RBMS1: variants seen among roughly 807,000 people sequenced by gnomAD.
RBMS1 encodes the protein RNA binding motif single stranded interacting protein 1.
A neutral mutation model predicts 62.3 loss-of-function variants in RBMS1; 17 were observed. The ratio of observed to expected loss-of-function variants is 0.27; its 90% confidence interval spans 0.19 to 0.41. The LOEUF (loss-of-function observed/expected upper bound fraction) is 0.41, where lower values mean the gene tolerates loss of function less well. Among genes scored for constraint, RBMS1 ranks in the 10% least tolerant of loss-of-function variants. RBMS1 has a pLI of 1.00. For missense variants in RBMS1, 334 were observed against 504.5 expected, an observed-to-expected ratio of 0.66 and a Z score of 3.24; for synonymous variants, 172 against 170.0, an observed-to-expected ratio of 1.01 and a Z score of -0.09.
At chr2:160,303,219 T>C (rs1689310503) in intron 5 of RBMS1, 111 bp downstream of exon 5, 3 of 1,141,888 alleles carry the variant, frequency 2.6e-6, no homozygotes, top group African/African-American at 1.6e-5. Flanking sequence ...ACAGTGCAAC[T>C]GCTCCCATAA....
intron 1 of RBMS1, among the ~76,000 whole-genome samples, chr2:160,444,370 A>G (rs1683552120): frequency 6.6e-6 from 1 of 152,252 alleles, no homozygotes; most frequent in African/African-American, 2.4e-5. Context: ...TAAAAGTCTC[A>G]GCTAAAAGCA....
chr2:160,445,037 C>T (rs1298034634), intron 1 of RBMS1, among the ~76,000 whole-genome samples: 3 of 152,132 alleles, frequency 2.0e-5, no homozygotes, highest in African/African-American at 4.8e-5. Context: ...GGAAATTTCC[C>T]TTCCCAGAGA....
chr2:160,373,708 A>G (rs1270409999), intron 1 of RBMS1, among the ~76,000 whole-genome samples: 1 of 152,248 alleles, frequency 6.6e-6, no homozygotes, highest in Admixed American at 6.5e-5. Context: ...GAGGGCCAAA[A>G]GAGAAAGTAA....
chr2:160,465,817 C>T (rs906322065), intron 1 of RBMS1, among the ~76,000 whole-genome samples: 1 of 151,450 alleles, frequency 6.6e-6, no homozygotes, highest in South Asian at 2.1e-4. Context: ...TACAAAGGGG[C>T]TTTGGCAGAG....
At position 160,358,700 on chromosome 2, in the gene RBMS1, C is replaced by G. The variant is rs1198241350; in HGVS notation, c.251+8516G>C. On this transcript the variant is annotated intron_variant, in intron 2 of 13. Transcript: ENST00000348849. ...AATGGAATGCATTTTCTATAAGTAA[C>G]TGCAGAAAACTCATCACTTTAACCC... 2.6e-5 allele frequency among the ~76,000 whole-genome samples: 4 copies of G among 152,056 alleles called. No homozygotes were observed. In the East Asian group the frequency reaches 5.8e-4, roughly 22 times the overall value.
chr2:160,382,336 C>T (rs1465265845), intron 1 of RBMS1, among the ~76,000 whole-genome samples: 1 of 152,132 alleles, frequency 6.6e-6, no homozygotes, highest in Non-Finnish European at 1.5e-5. Flanking sequence ...TATATTTCCT[C>T]TCCAGACTAA....
At chr2:160,356,089 TA>T (rs1692784039) in intron 2 of RBMS1, among the ~76,000 whole-genome samples, 2 of 152,230 alleles carry the variant, frequency 1.3e-5, no homozygotes, top group African/African-American at 4.8e-5. Flanking sequence ...CAGTGACCCC[TA>T]AAAAATTGTT....
intron 1 of RBMS1, among the ~76,000 whole-genome samples, chr2:160,489,804 T>C (rs950469395): frequency 6.6e-6 from 1 of 152,154 alleles, no homozygotes; most frequent in Non-Finnish European, 1.5e-5. Flanking sequence ...ATTAATTTTA[T>C]AGAAATATAT....
At chr2:160,466,456 GC>G (rs1224944010) in intron 1 of RBMS1, among the ~76,000 whole-genome samples, 1 of 152,058 alleles carries the variant, frequency 6.6e-6, no homozygotes, top group Non-Finnish European at 1.5e-5. Flanking sequence ...CAGATGTCAG[GC>G]TAATTTTAAG....
At chr2:160,493,065 C>G in intron 1 of RBMS1, 1 of 517,432 alleles carries the variant, frequency 1.9e-6, no homozygotes, top group Admixed American at 3.6e-5. Context: ...TAGTCTCTCC[C>G]CCCGCGGCTT....
chr2:160,461,298 A>AAAAG (rs1218748491), intron 1 of RBMS1, among the ~76,000 whole-genome samples: 4 of 152,268 alleles, frequency 2.6e-5, no homozygotes, highest in East Asian at 3.9e-4. Flanking sequence ...AGAGAAAGAG[A>AAAAG]AAAGAAAGAA....
chr2:160,492,254 C>T (rs892244249), intron 1 of RBMS1, among the ~76,000 whole-genome samples: 3 of 152,190 alleles, frequency 2.0e-5, no homozygotes, highest in Non-Finnish European at 4.4e-5. Context: ...CCAACTTCCA[C>T]CCTCCCAAAT....
chr2:160,436,353 A>AGT (rs1683110225), intron 1 of RBMS1, among the ~76,000 whole-genome samples: 1 of 152,134 alleles, frequency 6.6e-6, no homozygotes, highest in Non-Finnish European at 1.5e-5. Flanking sequence ...GTAGAGAGAG[A>AGT]AATGCTAACA....
intron 1 of RBMS1, among the ~76,000 whole-genome samples, chr2:160,436,841 A>G (rs1437185505): frequency 6.6e-6 from 1 of 152,206 alleles, no homozygotes; most frequent in African/African-American, 2.4e-5. Context: ...TCTAATAAAA[A>G]TAAAATTTTA....
intron 1 of RBMS1, among the ~76,000 whole-genome samples, chr2:160,396,959 C>A (rs1007755489): frequency 3.9e-5 from 6 of 152,154 alleles, no homozygotes; most frequent in Non-Finnish European, 8.8e-5. Flanking sequence ...TCTCCATGCC[C>A]CACCCTATAC....
intron 2 of RBMS1, among the ~76,000 whole-genome samples, chr2:160,338,196 T>C (rs2105991240): frequency 6.6e-6 from 1 of 152,254 alleles, no homozygotes; most frequent in South Asian, 2.1e-4. Context: ...TTTCAAAAAG[T>C]AAAACTACTG....
At position 160,378,437 on chromosome 2, in the gene RBMS1, A is replaced by G. The variant is rs959625852; in HGVS notation, c.76-11046T>C. Among the ~76,000 whole-genome samples the G allele has an allele frequency of 3.3e-5, 5 of 152,130 alleles. No individual in the cohort carries two copies. The South Asian group carries it at 1.0e-3, about 32-fold the overall frequency. On this transcript the variant is annotated intron_variant, in intron 1 of 13. Coordinates refer to ENST00000348849, the MANE Select transcript of RBMS1 (RefSeq NM_016836.4). ...AGATCAGCCTGGGCAACATAGCAAAATCCCATTTATACAAAAAGGAAAAAA... is the reference window on the plus strand; with the variant it reads ...AGATCAGCCTGGGCAACATAGCAAAGTCCCATTTATACAAAAAGGAAAAAA...
At chr2:160,342,997 T>G (rs1691965912) in intron 2 of RBMS1, among the ~76,000 whole-genome samples, 1 of 151,976 alleles carries the variant, frequency 6.6e-6, no homozygotes, top group African/African-American at 2.4e-5. Context: ...TGAACTGGAA[T>G]AAGGGACCTA....
At chr2:160,455,642 A>T (rs1309150039) in intron 1 of RBMS1, among the ~76,000 whole-genome samples, 2 of 151,796 alleles carry the variant, frequency 1.3e-5, no homozygotes, top group Non-Finnish European at 1.5e-5. Flanking sequence ...AGAGAAAATT[A>T]TAACCATCAC....
Sources: gnomAD v4.1 joint callset for allele counts (sites outside exome capture counted in the v4.1 genomes callset) on GRCh38, gnomAD v4.1.1 for gene constraint, MANE v1.5 for transcripts, NCBI Gene and HGNC (gene_info 2026-07-23, HGNC 2026-07-21) for gene names.